Variants in ZZEF1 observed in about 807,000 individuals in gnomAD.
ZZEF1 encodes zinc finger ZZ-type and EF-hand domain-containing protein 1.
Under a neutral mutation model 342.8 loss-of-function variants are expected in ZZEF1, and 157 were observed. That is an observed-to-expected ratio of 0.46 (90% CI 0.40 to 0.52). The LOEUF (loss-of-function observed/expected upper bound fraction) is 0.52. Ranked by LOEUF, ZZEF1 falls within the 20% of genes least tolerant of loss-of-function variation. The pLI, the probability that ZZEF1 is intolerant of heterozygous loss-of-function variation, is 0.00. For missense variants in ZZEF1, 3,480 were observed against 3,725.6 expected (o/e 0.93, Z 1.72); for synonymous variants, 1,505 against 1,429.1 (o/e 1.05, Z -1.20).
chr17:4,080,781 A>G (rs74996935), intron 18 of ZZEF1, among the ~76,000 whole-genome samples: 3,818 of 152,288 alleles, frequency 0.025, 147 homozygotes, highest in African/African-American at 0.087. Context: ...AACCACTACA[A>G]GGGGACTTGA....
Position 4,016,218 on chromosome 17 carries a change from G to T in ZZEF1, c.8145+105C>A. ...TGGACAGGTCTCTGCTGTCCAGCGG[G>T]AGAGAGCCACAGAGGGGCTGAGCAT... is the stretch of plus-strand genomic sequence containing the variant. On this transcript the variant is annotated intron_variant, in intron 49 of 54. Transcript: ENST00000381638. This position sits in a 1 kb window ranked among gnomAD's most constrained non-coding sequence, Gnocchi z 4.4. 1 of 1,387,866 alleles carries T rather than the reference G, an allele frequency of 7.2e-7. No homozygotes were observed. Among genetic ancestry groups the T allele is most frequent in the Non-Finnish European group, 9.8e-7 (1 of 1,022,158 alleles). 86.0% of individuals were successfully genotyped at this position (1,387,866 alleles called of 1,614,324 possible).
intron 42 of ZZEF1, among the ~76,000 whole-genome samples, chr17:4,030,610 C>T (rs12939802): frequency 0.17 from 25,771 of 152,162 alleles, 2,456 homozygotes; most frequent in East Asian, 0.27. Context: ...GCAGGTGATC[C>T]TCCCACATCA....
chr17:4,042,830 C>T (rs570071689), intron 38 of ZZEF1, among the ~76,000 whole-genome samples: 10 of 152,262 alleles, frequency 6.6e-5, no homozygotes, highest in South Asian at 6.2e-4. Context: ...TACAGGCGTG[C>T]GCCACCTTGC....
intron 38 of ZZEF1, among the ~76,000 whole-genome samples, chr17:4,042,782 A>T (rs1193467507): frequency 6.6e-6 from 1 of 152,214 alleles, no homozygotes; most frequent in Admixed American, 6.5e-5. Context: ...CCCGGGTTCA[A>T]GCAATTCTCC....
intron 19 of ZZEF1, 146 bp downstream of exon 19, chr17:4,077,737 T>G (rs973095908): frequency 1.2e-6 from 1 of 854,918 alleles, no homozygotes; most frequent in Non-Finnish European, 1.8e-6. Flanking sequence ...TGAATTCTAT[T>G]TTAATTAGAC....
chr17:4,079,690 T>C (rs2057686648), intron 18 of ZZEF1, among the ~76,000 whole-genome samples: 1 of 152,116 alleles, frequency 6.6e-6, no homozygotes, highest in African/African-American at 2.4e-5. Flanking sequence ...AAGAGCAACC[T>C]TGGCAAATGA....
At chr17:4,049,423 G>A (rs2056996703) in intron 37 of ZZEF1, among the ~76,000 whole-genome samples, 1 of 152,130 alleles carries the variant, frequency 6.6e-6, no homozygotes, top group Non-Finnish European at 1.5e-5. Flanking sequence ...GAAGTGGGAG[G>A]ATCACTTCAG....
chr17:4,022,895 C>T (rs1465497237), intron 43 of ZZEF1, 67 bp from the exon 44 acceptor site: 2 of 1,577,690 alleles, frequency 1.3e-6, no homozygotes, highest in African/African-American at 2.7e-5. Flanking sequence ...TTAGCTGTAA[C>T]TCAGTCTGTT....
chr17:4,091,011 C>T (rs555763507), intron 11 of ZZEF1, among the ~76,000 whole-genome samples, 181 bp from the exon 12 acceptor site: 1 of 152,316 alleles, frequency 6.6e-6, no homozygotes, highest in East Asian at 1.9e-4. Context: ...ATTGCCTTTC[C>T]ATTGCTCAGT....
intron 53 of ZZEF1, 140 bp downstream of exon 53, chr17:4,009,464 C>G (rs1354105243): frequency 2.5e-6 from 3 of 1,197,820 alleles, no homozygotes; most frequent in Middle Eastern, 2.6e-4. Context: ...GCCTCAGACT[C>G]TCAGCCATGC....
intron 13 of ZZEF1, among the ~76,000 whole-genome samples, chr17:4,087,764 T>C (rs567223931): frequency 6.8e-6 from 1 of 148,086 alleles, no homozygotes; most frequent in African/African-American, 2.6e-5. Context: ...TATGTAAGTG[T>C]ATATAGATAT....
In ZZEF1 at chr17:4,086,550, C is replaced by T. The variant is rs2057829220; in HGVS notation, c.2448G>A (p.Lys816=). The T allele has an allele frequency of 1.2e-6, 2 of 1,614,170 alleles. No homozygotes were observed. The highest frequency in any genetic ancestry group is 1.3e-5 in the African/African-American group (1 of 75,044). Residue 816 remains lysine (K), a synonymous_variant, in exon 15 of 55, where the codon AAG becomes AAA. Transcript: ENST00000381638. The part of the protein sequence containing the change: ...GDVLAASEEE[K]APIQSPKGVE... ...CTCCTTTAGGGCTTTGGATTGGAGC[C>T]TTTTCCTCCTCAGAAGCAGCCAGTA...
chr17:4,108,312 C>G (rs563148610), intron 6 of ZZEF1, among the ~76,000 whole-genome samples: 1 of 152,198 alleles, frequency 6.6e-6, no homozygotes, highest in Admixed American at 6.5e-5. Context: ...AGACAGATAA[C>G]AAAACCTCAA....
At chr17:4,072,568 G>C in intron 25 of ZZEF1, 40 bp downstream of exon 25, 1 of 1,571,156 alleles carries the variant, frequency 6.4e-7, no homozygotes, top group Non-Finnish European at 8.6e-7. Context: ...CTTGCAGGCA[G>C]TTTCCAGTCT....
In ZZEF1 at chr17:4,085,736, A is replaced by C; in HGVS notation, c.2580T>G (p.Leu860=). 1 of 1,614,144 alleles carries C rather than the reference A, an allele frequency of 6.2e-7. No homozygotes were observed. Among genetic ancestry groups the C allele is most frequent in the South Asian group, 1.1e-5 (1 of 91,078 alleles). Residue 860 remains leucine, a synonymous_variant, in exon 16 of 55, where the codon CTT becomes CTG. Coordinates refer to ENST00000381638, the MANE Select transcript of ZZEF1 (RefSeq NM_015113.4). ...EILKQEVRNT[L]LNGAAIFFPN... ...GAAAGAAGATGGCAGCCCCATTGAG[A>C]AGGGTATTCCTGACTTCTTGTTTTA... is the stretch of plus-strand genomic sequence containing the variant.
rs768314618 is a variant in ZZEF1 at position 4,074,152 on chromosome 17, C to T, written c.3683G>A (p.Arg1228His). The T allele has an allele frequency of 3.2e-5, 52 of 1,613,534 alleles. No homozygotes were observed. The highest frequency in any genetic ancestry group is 4.5e-5 in the East Asian group (2 of 44,892). The part of the protein sequence containing the change: ...ASQCMALKSV[R>H]QLGSNMVVPQ... Reference sequence around the variant, plus strand: ...AAAGCACAGGGATGTGCACTTACGGCGCACAGACTTGAGCGCCATGCACTG... The same window carrying T: ...AAAGCACAGGGATGTGCACTTACGGTGCACAGACTTGAGCGCCATGCACTG... The change falls in exon 24 of 55, where the codon CGC (arginine) becomes CAC (histidine). Residue 1228 changes from arginine (R) to histidine (H), a missense_variant and splice_region_variant. Coordinates refer to ENST00000381638, the MANE Select transcript of ZZEF1 (RefSeq NM_015113.4).
At chr17:4,066,160 C>A (rs1214376748) in intron 28 of ZZEF1, among the ~76,000 whole-genome samples, 1 of 152,024 alleles carries the variant, frequency 6.6e-6, no homozygotes, top group Non-Finnish European at 1.5e-5. Context: ...CAGAACGAGA[C>A]CCCATCTCAA....
intron 9 of ZZEF1, among the ~76,000 whole-genome samples, chr17:4,097,438 A>C (rs942787169): frequency 6.7e-6 from 1 of 148,312 alleles, no homozygotes; most frequent in African/African-American, 2.5e-5. Flanking sequence ...AGCTTCTACA[A>C]CACTTTGTCA....
chr17:4,076,720 G>A lies in ZZEF1; in HGVS notation c.3151C>T (p.His1051Tyr), dbSNP rs752562710. 2 of 1,612,958 alleles carry A rather than the reference G, an allele frequency of 1.2e-6. No individual in the cohort carries two copies. Among genetic ancestry groups the A allele is most frequent in the South Asian group, 1.1e-5 (1 of 91,072 alleles). ...CTGAACTCTCTCAAGAGCACGCAGT[G>A]TGGGATGTCTAAAGTGCAGAAGTCC... ...LLDFCTLDIP[H>Y]CVLLREFSVL... Residue 1051 changes from histidine to tyrosine, a missense_variant, in exon 21 of 55, where the codon CAC becomes TAC. By Grantham distance (83) the His-to-Tyr change is moderately conservative. Around this residue, in one of 5 missense-constraint regions of ZZEF1, gnomAD observed 1,528 missense variants for 1,624.1 expected, o/e 0.94. Transcript: ENST00000381638.
Sources: allele counts gnomAD v4.1 joint callset (sites outside exome capture counted in the v4.1 genomes callset), GRCh38; gene constraint gnomAD v4.1.1; regional missense constraint gnomAD v4.1.1; non-coding constraint Gnocchi (gnomAD v3.1); transcripts MANE v1.5; gene names NCBI Gene and HGNC (gene_info 2026-07-23, HGNC 2026-07-21).